BTBD9: variants seen among roughly 807,000 people sequenced by gnomAD.
BTBD9 encodes BTB domain containing 9, also known as BTB/POZ domain-containing protein 9.
A neutral mutation model predicts 64.3 loss-of-function variants in BTBD9; 49 were observed. That is an observed-to-expected ratio of 0.76 (90% CI 0.61 to 0.97). The LOEUF (loss-of-function observed/expected upper bound fraction) is 0.97. Ranked by LOEUF, BTBD9 falls within the 50% of genes least tolerant of loss-of-function variation. The pLI, the probability that BTBD9 is intolerant of heterozygous loss-of-function variation, is 0.00. For missense variants in BTBD9, 598 were observed against 762.1 expected, an observed-to-expected ratio of 0.78 and a Z score of 2.53; for synonymous variants, 260 against 274.7, an observed-to-expected ratio of 0.95 and a Z score of 0.53.
chr6:38,299,764 G>A (rs1762313984), intron 7 of BTBD9, among the ~76,000 whole-genome samples: 1 of 152,124 alleles, frequency 6.6e-6, no homozygotes, highest in Non-Finnish European at 1.5e-5. Context: ...TTAGTCCTTT[G>A]TCAGATGAGT....
At chr6:38,575,042 A>G (rs968925933) in intron 6 of BTBD9, among the ~76,000 whole-genome samples, 1 of 152,230 alleles carries the variant, frequency 6.6e-6, no homozygotes, top group African/African-American at 2.4e-5. Flanking sequence ...TCATCAATAC[A>G]TGACACATTC....
At chr6:38,463,360 C>A (rs889195838) in intron 6 of BTBD9, among the ~76,000 whole-genome samples, 3 of 152,156 alleles carry the variant, frequency 2.0e-5, no homozygotes, top group African/African-American at 7.2e-5. Context: ...AATTTGGATG[C>A]CTTTTACTTC....
rs1761210794 is a variant in BTBD9, at chr6:38,175,780, GT to G, written c.1642-599del. ...GTGCCCTGCAATGGCATGGTGTCCT[GT>G]CCTGAGCTGGTTCCTGATGCATAGT... On this transcript the variant is annotated intron_variant, in intron 10 of 10. Coordinates refer to ENST00000481247, the MANE Select transcript of BTBD9 (RefSeq NM_001099272.2). 2.6e-5 allele frequency among the ~76,000 whole-genome samples: 4 copies of G among 152,206 alleles called. No homozygotes were observed. The South Asian group carries it at 8.3e-4, about 31-fold the overall frequency.
intron 1 of BTBD9, among the ~76,000 whole-genome samples, chr6:38,625,650 G>T (rs1778139102): frequency 6.6e-6 from 1 of 152,130 alleles, no homozygotes; most frequent in Non-Finnish European, 1.5e-5. Context: ...AATATTCACA[G>T]ATTCCTAGAA....
At chr6:38,229,857 T>C (rs761554334) in intron 9 of BTBD9, among the ~76,000 whole-genome samples, 10 of 152,320 alleles carry the variant, frequency 6.6e-5, no homozygotes, top group Non-Finnish European at 1.3e-4. Context: ...CTGTCATTTA[T>C]CACATTAGTC....
intron 6 of BTBD9, chr6:38,481,931 A>C (rs1270392611): frequency 1.3e-5 from 2 of 152,266 alleles, no homozygotes; most frequent in African/African-American, 4.8e-5. Context: ...CATTAGTTTC[A>C]GGGAACACAC....
chr6:38,445,451 G>C (rs1234815114), intron 6 of BTBD9, among the ~76,000 whole-genome samples: 1 of 152,132 alleles, frequency 6.6e-6, no homozygotes, highest in Non-Finnish European at 1.5e-5. Flanking sequence ...ACCAACCAGT[G>C]GTATCAAGTT....
chr6:38,228,763 A>G (rs1178271039), intron 9 of BTBD9, among the ~76,000 whole-genome samples: 1 of 151,872 alleles, frequency 6.6e-6, no homozygotes, highest in Non-Finnish European at 1.5e-5. Flanking sequence ...AGTCCCAGCT[A>G]CTCAGGAGGC....
intron 6 of BTBD9, among the ~76,000 whole-genome samples, chr6:38,348,674 G>A (rs1166041574): frequency 6.6e-6 from 1 of 152,090 alleles, no homozygotes; most frequent in African/African-American, 2.4e-5. Context: ...ACTGGATACT[G>A]AACATAGTTC....
chr6:38,446,335 A>C (rs1322445893), intron 6 of BTBD9, among the ~76,000 whole-genome samples: 1 of 151,890 alleles, frequency 6.6e-6, no homozygotes, highest in African/African-American at 2.4e-5. Context: ...TGAGGTTAAG[A>C]GCAGAAGTTT....
rs1026486850 is a variant in BTBD9 at position 38,174,914 on chromosome 6, C to G, written c.*71G>C. On this transcript the variant is annotated 3_prime_UTR_variant, in exon 11 of 11. Transcript: ENST00000481247. Reference sequence around the variant, plus strand: ...GAGGTGGGGGCAGTCAACAGAGACCCCTGCTCAGGGAGGAGACCGTTTCCT... The same window carrying G: ...GAGGTGGGGGCAGTCAACAGAGACCGCTGCTCAGGGAGGAGACCGTTTCCT... 45 of 1,564,448 alleles carry G rather than the reference C, an allele frequency of 2.9e-5. No individual in the cohort carries two copies. The highest frequency in any genetic ancestry group is 1.2e-4 in the South Asian group (11 of 88,592).
At chr6:38,492,607 A>G (rs1376099140) in intron 6 of BTBD9, among the ~76,000 whole-genome samples, 2 of 152,236 alleles carry the variant, frequency 1.3e-5, no homozygotes, top group African/African-American at 4.8e-5. Flanking sequence ...GTAAGAATAA[A>G]CATAATTTTT....
rs568024870 is a variant in BTBD9, at chr6:38,222,423, T to G, written c.1563-29826A>C. On this transcript the variant is annotated intron_variant, in intron 9 of 10. Transcript: ENST00000481247. ...CTACAGGTGCCCGCCACCATGCCCA[T>G]CTAATTTTTGTATTTTTAGTAGAGA... Among the ~76,000 whole-genome samples, 605 of 151,720 alleles carry G rather than the reference T, an allele frequency of 4.0e-3. 3 individuals are homozygous for G. Among genetic ancestry groups the G allele is most frequent in the African/African-American group, 0.013 (552 of 41,352 alleles).
chr6:38,298,127 T>C (rs1490957554), intron 7 of BTBD9, among the ~76,000 whole-genome samples: 1 of 152,018 alleles, frequency 6.6e-6, no homozygotes, highest in Non-Finnish European at 1.5e-5. Context: ...AGTGCTGGCA[T>C]TACAGGTGTG....
intron 6 of BTBD9, among the ~76,000 whole-genome samples, chr6:38,439,182 A>T (rs1295819065): frequency 7.3e-6 from 1 of 136,432 alleles, no homozygotes; most frequent in Non-Finnish European, 1.5e-5. Flanking sequence ...GTGCAATTGG[A>T]CAATCTCAGC....
At chr6:38,208,396 TC>T (rs1387928963) in intron 9 of BTBD9, among the ~76,000 whole-genome samples, 2 of 152,182 alleles carry the variant, frequency 1.3e-5, no homozygotes, top group African/African-American at 4.8e-5. Context: ...ACCACATTCA[TC>T]TCTTTAATCA....
intron 6 of BTBD9, among the ~76,000 whole-genome samples, chr6:38,494,434 T>C (rs1349188549): frequency 6.6e-6 from 1 of 152,170 alleles, no homozygotes; most frequent in Non-Finnish European, 1.5e-5. Context: ...ACAACTGCAA[T>C]GAGAGGGAAT....
chr6:38,395,125 G>T (rs990893037), intron 6 of BTBD9, among the ~76,000 whole-genome samples: 2 of 152,128 alleles, frequency 1.3e-5, no homozygotes, highest in Non-Finnish European at 2.9e-5. Context: ...AATGAGATTA[G>T]TTCCCTTATA....
chr6:38,462,420 A>C (rs1352615128), intron 6 of BTBD9, among the ~76,000 whole-genome samples: 5 of 152,194 alleles, frequency 3.3e-5, no homozygotes, highest in African/African-American at 1.2e-4. Flanking sequence ...TTTTCCACTG[A>C]ATTGCCTTTG....
Sources: gnomAD v4.1 joint callset for allele counts (sites outside exome capture counted in the v4.1 genomes callset) on GRCh38, gnomAD v4.1.1 for gene constraint, MANE v1.5 for transcripts, NCBI Gene and HGNC (gene_info 2026-07-23, HGNC 2026-07-21) for gene names.